The following PIP4K2A variants were observed in gnomAD, a reference collection of about 807,000 sequenced individuals.
The protein encoded by PIP4K2A is phosphatidylinositol-5-phosphate 4-kinase type 2 alpha, also known as phosphatidylinositol 5-phosphate 4-kinase type-2 alpha.
Under a neutral mutation model 42.9 loss-of-function variants are expected in PIP4K2A, and 14 were observed. The observed-to-expected ratio is 0.33, with a 90% confidence interval of 0.22 to 0.51. The LOEUF is 0.51. Ranked by LOEUF, PIP4K2A falls within the 20% of genes least tolerant of loss-of-function variation. The probability of loss-of-function intolerance (pLI) is 0.97; values close to 1 mark genes in which losing one functional copy is unlikely to be tolerated. For synonymous variants in PIP4K2A, 192 were observed against 192.2 expected, an observed-to-expected ratio of 1.00 and a Z score of 0.01; for missense variants, 434 against 519.8, an observed-to-expected ratio of 0.83 and a Z score of 1.61.
intron 3 of PIP4K2A, among the ~76,000 whole-genome samples, chr10:22,592,603 C>T (rs1413453317): frequency 6.6e-6 from 1 of 152,182 alleles, no homozygotes; most frequent in East Asian, 1.9e-4. Flanking sequence ...TCATTCACTC[C>T]AAGATCTGGT....
chr10:22,625,234 T>C (rs898567061), intron 1 of PIP4K2A, among the ~76,000 whole-genome samples: 2 of 152,222 alleles, frequency 1.3e-5, no homozygotes, highest in African/African-American at 2.4e-5. Context: ...ACTTAAGAGC[T>C]AGGCTTTTAA....
chr10:22,672,646 T>G (rs1839478145), intron 1 of PIP4K2A, among the ~76,000 whole-genome samples: 1 of 152,098 alleles, frequency 6.6e-6, no homozygotes, highest in African/African-American at 2.4e-5. Context: ...AGGAGATGGA[T>G]GCAGAGATCA....
rs185376344 is a variant in PIP4K2A, at chr10:22,558,219, G to A, written c.679-7447C>T. ...AACTGCTTGTGTTCCTGATTTACTT[G>A]TAATTCCAAGCTCACCCAAATGAAA... is the stretch of plus-strand genomic sequence containing the variant. On this transcript the variant is annotated intron_variant, in intron 6 of 9. Coordinates refer to ENST00000376573, the MANE Select transcript of PIP4K2A (RefSeq NM_005028.5). Among the ~76,000 whole-genome samples, 4 of 152,254 alleles carry A rather than the reference G, an allele frequency of 2.6e-5. No homozygotes were observed. The East Asian group carries it at 7.7e-4, about 29-fold the overall frequency.
At chr10:22,684,261 T>A (rs976528639) in intron 1 of PIP4K2A, among the ~76,000 whole-genome samples, 2 of 152,178 alleles carry the variant, frequency 1.3e-5, no homozygotes, top group Non-Finnish European at 2.9e-5. Context: ...CATTACTGAT[T>A]GGGTCGTTTT....
chr10:22,633,702 A>G (rs1838602905), intron 1 of PIP4K2A, among the ~76,000 whole-genome samples: 2 of 152,130 alleles, frequency 1.3e-5, no homozygotes, highest in Non-Finnish European at 2.9e-5. Context: ...AGCTGTCTGC[A>G]ATATGTTCCA....
chr10:22,547,797 G>C (rs147551032), intron 7 of PIP4K2A, among the ~76,000 whole-genome samples: 1 of 152,164 alleles, frequency 6.6e-6, no homozygotes, highest in Non-Finnish European at 1.5e-5. Flanking sequence ...CTCATACACC[G>C]ATCTGTGTGT....
intron 4 of PIP4K2A, among the ~76,000 whole-genome samples, chr10:22,579,904 G>A (rs900922346): frequency 3.3e-5 from 5 of 150,598 alleles, no homozygotes; most frequent in Admixed American, 6.6e-5. Flanking sequence ...ACGAGACTTC[G>A]TCTGAGAAGA....
chr10:22,640,681 AATTT>A (rs2130791108), intron 1 of PIP4K2A, among the ~76,000 whole-genome samples: 1 of 152,312 alleles, frequency 6.6e-6, no homozygotes, highest in East Asian at 1.9e-4. Context: ...CACTGGATCC[AATTT>A]ATTTACCTTC....
chr10:22,555,366 A>G (rs1191420665), intron 6 of PIP4K2A, among the ~76,000 whole-genome samples: 1 of 152,206 alleles, frequency 6.6e-6, no homozygotes, highest in African/African-American at 2.4e-5. Flanking sequence ...GAGTTCACAC[A>G]TGTAAAAAGG....
At chr10:22,621,226 A>G (rs1398385563) in intron 1 of PIP4K2A, among the ~76,000 whole-genome samples, 2 of 152,174 alleles carry the variant, frequency 1.3e-5, no homozygotes, top group Non-Finnish European at 2.9e-5. Context: ...AGAGACAGAA[A>G]CCAATCAATC....
At chr10:22,568,444 A>G (rs1836901786) in intron 5 of PIP4K2A, among the ~76,000 whole-genome samples, 1 of 152,124 alleles carries the variant, frequency 6.6e-6, no homozygotes, top group Admixed American at 6.5e-5. Flanking sequence ...CTTGCTTGCT[A>G]TACATCAGTC....
intron 4 of PIP4K2A, among the ~76,000 whole-genome samples, chr10:22,576,511 G>T (rs895370465): frequency 1.3e-5 from 2 of 152,080 alleles, no homozygotes; most frequent in African/African-American, 4.8e-5. Context: ...TTTAGCCGGG[G>T]TCTCACGAGC....
chr10:22,572,266 G>C (rs1228160969), intron 5 of PIP4K2A, among the ~76,000 whole-genome samples: 1 of 152,212 alleles, frequency 6.6e-6, no homozygotes, highest in Non-Finnish European at 1.5e-5. Flanking sequence ...TGCAAAAGCA[G>C]TAACAGACAA....
intron 1 of PIP4K2A, among the ~76,000 whole-genome samples, chr10:22,631,271 G>C (rs924023935): frequency 1.3e-5 from 2 of 152,026 alleles, no homozygotes; most frequent in Admixed American, 1.3e-4. Flanking sequence ...CCCTAACCTC[G>C]AGTGTGACTT....
intron 1 of PIP4K2A, among the ~76,000 whole-genome samples, chr10:22,644,894 C>A (rs957517906): frequency 1.3e-5 from 2 of 152,150 alleles, no homozygotes; most frequent in African/African-American, 4.8e-5. Flanking sequence ...CTTGCCCTAA[C>A]TGGAGAAGAA....
intron 4 of PIP4K2A, among the ~76,000 whole-genome samples, chr10:22,590,894 A>C (rs1375721831): frequency 6.6e-6 from 1 of 152,200 alleles, no homozygotes; most frequent in Non-Finnish European, 1.5e-5. Flanking sequence ...ACCAGAAGTC[A>C]CATGCTTAGT....
At chr10:22,587,959 C>A (rs1837436443) in intron 4 of PIP4K2A, among the ~76,000 whole-genome samples, 1 of 152,194 alleles carries the variant, frequency 6.6e-6, no homozygotes, top group Non-Finnish European at 1.5e-5. Context: ...AGGGGTCACC[C>A]CGAATAGATC....
intron 6 of PIP4K2A, among the ~76,000 whole-genome samples, chr10:22,553,524 C>T (rs1448620411): frequency 6.6e-6 from 1 of 152,186 alleles, no homozygotes; most frequent in Non-Finnish European, 1.5e-5. Context: ...TTGCAACAAC[C>T]TTAACTATTA....
chr10:22,552,658 C>T (rs1164343800), intron 6 of PIP4K2A, among the ~76,000 whole-genome samples: 2 of 151,784 alleles, frequency 1.3e-5, no homozygotes, highest in Non-Finnish European at 2.9e-5. Flanking sequence ...AAGCACTGCC[C>T]AAAACAGAAA....
Sources: gnomAD v4.1 joint callset for allele counts (sites outside exome capture counted in the v4.1 genomes callset) on GRCh38, gnomAD v4.1.1 for gene constraint, MANE v1.5 for transcripts, NCBI Gene and HGNC (gene_info 2026-07-23, HGNC 2026-07-21) for gene names.